Variants in ZSWIM6 observed in about 807,000 individuals in gnomAD.
ZSWIM6 encodes zinc finger SWIM-type containing 6.
A neutral mutation model predicts 113.2 loss-of-function variants in ZSWIM6; 9 were observed. That is an observed-to-expected ratio of 0.08 (90% confidence interval 0.05 to 0.14). The LOEUF is 0.14. Among genes scored for constraint, ZSWIM6 ranks in the 10% least tolerant of loss-of-function variants. The probability of loss-of-function intolerance (pLI) is 1.00; values close to 1 mark genes in which losing one functional copy is unlikely to be tolerated. For missense variants in ZSWIM6, 1,162 were observed against 1,552.2 expected (o/e 0.75, Z 4.22); for synonymous variants, 611 against 606.5 (o/e 1.01, Z -0.11).
At chr5:61,526,429 G>T (rs1228718475) in intron 7 of ZSWIM6, 33 bp downstream of exon 7, 2 of 1,550,482 alleles carry the variant, frequency 1.3e-6, no homozygotes, top group Non-Finnish European at 1.7e-6. Flanking sequence ...CCATTGGAAT[G>T]GGATTCTTAG....
Position 61,332,510 on chromosome 5 carries a change from A to C in ZSWIM6, c.238A>C (p.Ile80Leu). ...KTQSPESLLDIAARRVAEKWP... is the reference protein window; with the variant it reads ...KTQSPESLLDLAARRVAEKWP... ...CCAGAGCCCCGAGTCGCTGCTGGAC[A>C]TCGCGGCGCGCAGGGTGGCGGAGAA... Residue 80 changes from isoleucine (I) to leucine (L), a missense_variant, in exon 1 of 14, where the codon ATC becomes CTC. Ile to Leu is a conservative substitution (Grantham distance 5). This residue lies in a region of ZSWIM6 where 333 missense variants were observed against 293.4 expected (regional missense o/e 1.13). Transcript: ENST00000252744. The C allele has an allele frequency of 7.6e-7, 1 of 1,309,952 alleles. No individual in the cohort carries two copies. Among genetic ancestry groups the C allele is most frequent in the Non-Finnish European group, 1.0e-6 (1 of 1,000,724 alleles). The allele number at this position is 1,309,952 out of a possible 1,614,324, so 81.1% of individuals were successfully genotyped here.
rs530041492 is a variant in ZSWIM6 at position 61,423,853 on chromosome 5, C to G, written c.677-48828C>G. ...ATTAAAAATTCACTTCCCCCCACTC[C>G]CCATGCAAGAATTTCGATACTGGCT... On this transcript the variant is annotated intron_variant, in intron 1 of 13. Transcript: ENST00000252744. 2.0e-5 allele frequency among the ~76,000 whole-genome samples: 3 copies of G among 152,288 alleles called. No individual in the cohort carries two copies. In the South Asian group the frequency reaches 6.2e-4, roughly 32 times the overall value.
chr5:61,393,096 G>A (rs1415523088), intron 1 of ZSWIM6, among the ~76,000 whole-genome samples: 2 of 151,340 alleles, frequency 1.3e-5, no homozygotes, highest in African/African-American at 4.9e-5. Flanking sequence ...CTGGAGTGCA[G>A]TGGTGCGATC....
intron 1 of ZSWIM6, among the ~76,000 whole-genome samples, chr5:61,379,185 GAAAAAAAAAA>G (rs1211778480): frequency 1.0e-3 from 40 of 38,598 alleles, no homozygotes; most frequent in African/African-American, 3.9e-3. Context: ...TCCTGTCTCT[GAAAAAAAAAA>G]AAAAAAAAAA....
intron 1 of ZSWIM6, chr5:61,375,869 C>G: frequency 2.0e-6 from 2 of 1,009,084 alleles, no homozygotes; most frequent in Non-Finnish European, 3.0e-6. Context: ...TAAGAAAAAT[C>G]AGGATTCCCT....
chr5:61,382,316 C>G (rs1335673459), intron 1 of ZSWIM6, among the ~76,000 whole-genome samples: 1 of 152,190 alleles, frequency 6.6e-6, no homozygotes. Context: ...TCTGCTGCCC[C>G]TTGGCATGGT....
chr5:61,490,560 TA>T (rs1748153206), intron 2 of ZSWIM6, among the ~76,000 whole-genome samples: 3 of 152,062 alleles, frequency 2.0e-5, no homozygotes, highest in Admixed American at 1.3e-4. Flanking sequence ...TCTCTGAACC[TA>T]AAAAATAGAA....
chr5:61,458,526 C>G (rs1167474095), intron 1 of ZSWIM6, among the ~76,000 whole-genome samples: 2 of 152,176 alleles, frequency 1.3e-5, no homozygotes, highest in Non-Finnish European at 2.9e-5. Context: ...TCCCAACCTT[C>G]TGAAAAAGAA....
intron 1 of ZSWIM6, among the ~76,000 whole-genome samples, chr5:61,372,938 A>G (rs892905712): frequency 9.9e-5 from 15 of 152,108 alleles, no homozygotes; most frequent in Non-Finnish European, 2.2e-4. Context: ...ATTTGTAGGA[A>G]CATTTCTTAA....
At chr5:61,399,960 G>A (rs1745911310) in intron 1 of ZSWIM6, among the ~76,000 whole-genome samples, 1 of 152,108 alleles carries the variant, frequency 6.6e-6, no homozygotes, top group South Asian at 2.1e-4. Context: ...TACACTCGGG[G>A]GTATAGATGA....
intron 1 of ZSWIM6, among the ~76,000 whole-genome samples, chr5:61,369,238 C>T (rs1172909929): frequency 6.6e-6 from 1 of 152,172 alleles, no homozygotes; most frequent in Non-Finnish European, 1.5e-5. Flanking sequence ...AACTAAAATG[C>T]CTCAGTCCCT....
At chr5:61,391,765 T>A in intron 1 of ZSWIM6, 2 of 1,051,362 alleles carry the variant, frequency 1.9e-6, no homozygotes, top group Non-Finnish European at 3.0e-6. Context: ...CTTGGAAGGG[T>A]CATCCTTAGG....
intron 1 of ZSWIM6, among the ~76,000 whole-genome samples, chr5:61,462,004 CAG>C (rs1001277072): frequency 3.9e-5 from 6 of 152,062 alleles, no homozygotes; most frequent in African/African-American, 7.2e-5. Context: ...ACAAATTGGG[CAG>C]AGAGGATTTT....
intron 1 of ZSWIM6, among the ~76,000 whole-genome samples, chr5:61,379,538 T>C (rs1336068268): frequency 6.6e-6 from 1 of 152,212 alleles, no homozygotes; most frequent in Non-Finnish European, 1.5e-5. Flanking sequence ...AGTTGAAAAC[T>C]ATATGAAGAC....
chr5:61,505,725 T>C lies in ZSWIM6; in HGVS notation c.1333+11315T>C, dbSNP rs1338082461. On this transcript the variant is annotated intron_variant, in intron 4 of 13. Coordinates refer to ENST00000252744, the MANE Select transcript of ZSWIM6 (RefSeq NM_020928.2). ...CTTCCTCCCTTCCTTCCTTCCTTCCTTCCCTCTCTCTCTCTCTCTCTCTCT... is the reference window on the plus strand; with the variant it reads ...CTTCCTCCCTTCCTTCCTTCCTTCCCTCCCTCTCTCTCTCTCTCTCTCTCT... Among the ~76,000 whole-genome samples the C allele has an allele frequency of 1.0e-4, 13 of 128,578 alleles. 1 individual carries two copies. In the South Asian group the frequency reaches 1.2e-3, roughly 12 times the overall value. 84.4% of individuals were successfully genotyped at this position (128,578 alleles called of 152,430 possible). A position where few individuals can be genotyped will look rare whatever the true frequency, so the allele number is the denominator to read the frequency against.
intron 1 of ZSWIM6, among the ~76,000 whole-genome samples, chr5:61,344,725 A>T (rs912911838): frequency 6.6e-6 from 1 of 152,334 alleles, no homozygotes; most frequent in East Asian, 1.9e-4. Context: ...GCTGCTGCTT[A>T]GCTGCTATTT....
chr5:61,500,724 T>G (rs1748443067), intron 4 of ZSWIM6, among the ~76,000 whole-genome samples: 1 of 152,168 alleles, frequency 6.6e-6, no homozygotes, highest in Admixed American at 6.6e-5. Context: ...TATTAAATAA[T>G]AAACTTCAGC....
chr5:61,402,002 CT>C (rs34218573), intron 1 of ZSWIM6, among the ~76,000 whole-genome samples: 32,477 of 151,058 alleles, frequency 0.21, 3,655 homozygotes, highest in South Asian at 0.31. Context: ...TACCTGTTCT[CT>C]TTTTTTTTCA....
At chr5:61,478,021 G>C (rs550246875) in intron 2 of ZSWIM6, among the ~76,000 whole-genome samples, 11 of 152,134 alleles carry the variant, frequency 7.2e-5, no homozygotes, top group Non-Finnish European at 1.2e-4. Flanking sequence ...CCTGTGGATG[G>C]TTGTGTTTAT....
Sources: gnomAD v4.1 joint callset for allele counts (sites outside exome capture counted in the v4.1 genomes callset) on GRCh38, gnomAD v4.1.1 for gene constraint, gnomAD v4.1.1 regional missense constraint, MANE v1.5 for transcripts, NCBI Gene and HGNC (gene_info 2026-07-23, HGNC 2026-07-21) for gene names.